The following ANKRD11 variants were observed in gnomAD, a reference collection of about 807,000 sequenced individuals.
ANKRD11 encodes the protein ankyrin repeat domain 11, also known as ankyrin repeat domain-containing protein 11.
A neutral mutation model predicts 195.7 loss-of-function variants in ANKRD11; 17 were observed. The ratio of observed to expected loss-of-function variants is 0.09; its 90% CI spans 0.06 to 0.13. The LOEUF (loss-of-function observed/expected upper bound fraction) is 0.13. ANKRD11 is among the 10% of genes least tolerant of loss of function. The probability of loss-of-function intolerance (pLI) is 1.00; values close to 1 mark genes in which losing one functional copy is unlikely to be tolerated. For missense variants in ANKRD11, 3,735 were observed against 3,566.1 expected, an observed-to-expected ratio of 1.05 and a Z score of -1.21; for synonymous variants, 1,953 against 1,528.1, an observed-to-expected ratio of 1.28 and a Z score of -6.49.
intron 1 of ANKRD11, among the ~76,000 whole-genome samples, chr16:89,484,516 A>G (rs1406996648): frequency 6.6e-6 from 1 of 152,214 alleles, no homozygotes; most frequent in Non-Finnish European, 1.5e-5. Flanking sequence ...TTACTTGGAA[A>G]TACTGCATTC....
chr16:89,372,995 C>G (rs1399414928), intron 2 of ANKRD11: 1 of 152,246 alleles, frequency 6.6e-6, no homozygotes, highest in African/African-American at 2.4e-5. Context: ...GAGGAAGGCA[C>G]AGCACCCACA....
intron 2 of ANKRD11, among the ~76,000 whole-genome samples, chr16:89,386,056 T>G (rs1230061058): frequency 6.6e-6 from 1 of 152,210 alleles, no homozygotes; most frequent in African/African-American, 2.4e-5. Context: ...CTGGGTCCAA[T>G]TTGTCTGCAA....
chr16:89,365,660 G>A (rs1014720993), intron 2 of ANKRD11, among the ~76,000 whole-genome samples: 2 of 152,128 alleles, frequency 1.3e-5, no homozygotes, highest in African/African-American at 4.8e-5. Flanking sequence ...GCCTTTTACC[G>A]CAATTCTTCC....
intron 1 of ANKRD11, among the ~76,000 whole-genome samples, chr16:89,476,466 A>T (rs12935119): frequency 0.44 from 67,422 of 152,078 alleles, 15,579 homozygotes; most frequent in Middle Eastern, 0.63. Context: ...ATCAGGAATA[A>T]ATACAAACCA....
chr16:89,288,932 T>C lies in ANKRD11; in HGVS notation c.602-262A>G. On this transcript the variant is annotated intron_variant, in intron 6 of 12. Coordinates refer to ENST00000301030, the MANE Select transcript of ANKRD11 (RefSeq NM_013275.6). Reference sequence around the variant, plus strand: ...AACCTGCAGGGCTAATCTGCGGCAATCACCCTAAAAGGGTAGGAAATCAGT... The same window carrying C: ...AACCTGCAGGGCTAATCTGCGGCAACCACCCTAAAAGGGTAGGAAATCAGT... 4 of 581,906 alleles carry C rather than the reference T, an allele frequency of 6.9e-6. No individual in the cohort carries two copies. In the South Asian group the frequency reaches 7.9e-5, roughly 11 times the overall value. 36.0% of individuals were successfully genotyped at this position (581,906 alleles called of 1,614,324 possible).
At position 89,416,841 on chromosome 16, in the gene ANKRD11, T is replaced by C. The variant is rs559669461; in HGVS notation, c.-60+1443A>G. Among the ~76,000 whole-genome samples, 6 of 152,054 alleles carry C rather than the reference T, an allele frequency of 3.9e-5. No homozygotes were observed. In the South Asian group the frequency reaches 1.2e-3, roughly 32 times the overall value. ...TTGTCATACATTAAGGTCAGCAGTA[T>C]CCTTTTCACAAAGAGGCACAGCTCA... On this transcript the variant is annotated intron_variant, in intron 2 of 12. Coordinates refer to ENST00000301030, the MANE Select transcript of ANKRD11 (RefSeq NM_013275.6).
At chr16:89,432,956 C>G in intron 1 of ANKRD11, among the ~76,000 whole-genome samples, 1 of 137,140 alleles carries the variant, frequency 7.3e-6, no homozygotes, top group Non-Finnish European at 1.6e-5. Flanking sequence ...CTCTCTCTCT[C>G]TCTCTCTCTC....
At chr16:89,303,191 C>T (rs2035959945) in intron 4 of ANKRD11, among the ~76,000 whole-genome samples, 1 of 152,224 alleles carries the variant, frequency 6.6e-6, no homozygotes. Flanking sequence ...TTCAGCAACA[C>T]CTCCAGAGAC....
chr16:89,464,589 CAG>C (rs2056816475), intron 1 of ANKRD11, among the ~76,000 whole-genome samples: 1 of 124,056 alleles, frequency 8.1e-6, no homozygotes, highest in East Asian at 2.3e-4. Context: ...GCCTGGGCGA[CAG>C]AGTGAGACTC....
chr16:89,330,558 G>A (rs1020706263), intron 2 of ANKRD11, among the ~76,000 whole-genome samples: 7 of 151,630 alleles, frequency 4.6e-5, no homozygotes, highest in Admixed American at 1.3e-4. Flanking sequence ...ATGGGGTGGT[G>A]TGGGGGGGAG....
intron 2 of ANKRD11, among the ~76,000 whole-genome samples, chr16:89,333,362 G>A (rs2038167294): frequency 6.6e-6 from 1 of 152,162 alleles, no homozygotes. Context: ...GACCCCCCTG[G>A]ACACAGCATC....
chr16:89,388,868 C>G (rs1206756393), intron 2 of ANKRD11, among the ~76,000 whole-genome samples: 1 of 152,202 alleles, frequency 6.6e-6, no homozygotes, highest in South Asian at 2.1e-4. Context: ...CAGCCTGTCT[C>G]ACAAATCCTA....
In ANKRD11 at chr16:89,285,520, G is replaced by C. The variant is rs1015051828; in HGVS notation, c.1022C>G (p.Ala341Gly). ...AKNPEPQKATAPVKDEYEFDE... is the reference protein window; with the variant it reads ...AKNPEPQKATGPVKDEYEFDE... ...AAACTCATACTCGTCCTTGACGGGG[G>C]CCGTGGCCTTCTGTGGCTCTGGGTT... is the stretch of plus-strand genomic sequence containing the variant. The change falls in exon 9 of 13, where the codon GCC becomes GGC. Residue 341 changes from alanine (A) to glycine (G), a missense_variant. Transcript: ENST00000301030. The surrounding 1 kb of genome is among the most constrained non-coding windows in gnomAD (Gnocchi z 5.6). The C allele has an allele frequency of 2.5e-6, 4 of 1,614,038 alleles. No individual in the cohort carries two copies. In the African/African-American group the frequency reaches 5.3e-5, roughly 22 times the overall value.
At chr16:89,445,917 G>C (rs1050389128) in intron 1 of ANKRD11, among the ~76,000 whole-genome samples, 1 of 151,510 alleles carries the variant, frequency 6.6e-6, no homozygotes, top group Admixed American at 6.6e-5. Context: ...TGTGGTGAGC[G>C]GAGATCGTGC....
At chr16:89,399,446 A>T (rs1026577869) in intron 2 of ANKRD11, among the ~76,000 whole-genome samples, 6 of 152,204 alleles carry the variant, frequency 3.9e-5, no homozygotes, top group African/African-American at 1.2e-4. Context: ...TCTGACATCC[A>T]GGAAAGGGCA....
intron 12 of ANKRD11, 32 bp downstream of exon 12, chr16:89,270,785 C>G (rs777782009): frequency 4.4e-6 from 7 of 1,603,664 alleles, no homozygotes; most frequent in African/African-American, 1.3e-5. Context: ...CAGCCTCCCC[C>G]AGGCAGAACT....
At position 89,282,225 on chromosome 16, in the gene ANKRD11, C is replaced by T. The variant is rs61743619; in HGVS notation, c.4317G>A (p.Lys1439=). 3.6e-4 allele frequency: 579 copies of T among 1,613,840 alleles called. 4 individuals carry two copies. The African/African-American group carries it at 7.1e-3, about 20-fold the overall frequency. The change falls in exon 9 of 13, where the codon AAG becomes AAA. Residue 1439 remains lysine, a synonymous_variant. Transcript: ENST00000301030. ...DKNDSEREPS[K]KIEKELKPYG... ...AAGGCTTTAGTTCCTTTTCTATTTT[C>T]TTGGAAGGTTCTCTCTCGGAATCAT...
intron 2 of ANKRD11, among the ~76,000 whole-genome samples, chr16:89,401,838 A>G (rs1359466949): frequency 1.3e-5 from 2 of 151,576 alleles, no homozygotes; most frequent in African/African-American, 2.4e-5. Flanking sequence ...ATGCGTCTAC[A>G]AGCCCGGGCG....
chr16:89,371,287 C>T (rs930617600), intron 2 of ANKRD11, among the ~76,000 whole-genome samples: 1 of 152,300 alleles, frequency 6.6e-6, no homozygotes, highest in Non-Finnish European at 1.5e-5. Context: ...CACCACTAGG[C>T]AATTCTCACA....
Sources: gnomAD v4.1 joint callset for allele counts (sites outside exome capture counted in the v4.1 genomes callset) on GRCh38, gnomAD v4.1.1 for gene constraint, Gnocchi (gnomAD v3.1) non-coding constraint, MANE v1.5 for transcripts, NCBI Gene and HGNC (gene_info 2026-07-23, HGNC 2026-07-21) for gene names.